Variants in GPC5 observed in about 807,000 individuals in gnomAD.
GPC5 encodes glypican 5.
A neutral mutation model predicts 53.9 loss-of-function variants in GPC5; 47 were observed. The observed-to-expected ratio is 0.87, with a 90% confidence interval of 0.69 to 1.11. GPC5 has a LOEUF of 1.11. Ranked by LOEUF, GPC5 falls within the 50% of genes most tolerant of loss-of-function variation. GPC5 has a pLI of 0.00. For synonymous variants in GPC5, 286 were observed against 263.3 expected, an observed-to-expected ratio of 1.09 and a Z score of -0.84; for missense variants, 748 against 713.1, an observed-to-expected ratio of 1.05 and a Z score of -0.56.
rs181818835 is a variant in GPC5, at chr13:91,865,109, C to T, written c.1281-42828C>T. ...TATTTTTAGTAGAGACGGGGTTTCA[C>T]GATATTGGCCAGGCTGGTCTTGAAC... On this transcript the variant is annotated intron_variant, in intron 5 of 7. Coordinates refer to ENST00000377067, the MANE Select transcript of GPC5 (RefSeq NM_004466.6). Among the ~76,000 whole-genome samples the T allele has an allele frequency of 1.4e-4, 21 of 151,958 alleles. No homozygotes were observed. In the East Asian group the frequency reaches 3.5e-3, roughly 25 times the overall value.
intron 7 of GPC5, among the ~76,000 whole-genome samples, chr13:92,702,409 C>T (rs1049995290): frequency 3.3e-5 from 5 of 151,966 alleles, no homozygotes; most frequent in African/African-American, 1.2e-4. Flanking sequence ...TCCTCTTGCC[C>T]CCTCCCCAAA....
chr13:91,830,994 AAT>A lies in GPC5; in HGVS notation c.1280+74583_1280+74584del, dbSNP rs567611177. Among the ~76,000 whole-genome samples, 437 of 136,340 alleles carry A rather than the reference AAT, an allele frequency of 3.2e-3. 3 individuals carry two copies. Among genetic ancestry groups the A allele is most frequent in the African/African-American group, 0.011 (403 of 36,426 alleles). The allele number at this position is 136,340 out of a possible 152,430, so 89.4% of individuals were successfully genotyped here. A position where few individuals can be genotyped will look rare whatever the true frequency, so the allele number is the denominator to read the frequency against. Reference sequence around the variant, plus strand: ...ATATTATATATCCTATTATATATATAATATATATATCCTATTATATATATAAC... The same window carrying A: ...ATATTATATATCCTATTATATATATAATATATATCCTATTATATATATAAC... On this transcript the variant is annotated intron_variant, in intron 5 of 7. Transcript: ENST00000377067.
chr13:92,207,035 T>C (rs2042342857), intron 7 of GPC5, among the ~76,000 whole-genome samples: 1 of 152,208 alleles, frequency 6.6e-6, no homozygotes, highest in African/African-American at 2.4e-5. Context: ...TATCTTCTTA[T>C]TCATTTTTTA....
intron 7 of GPC5, among the ~76,000 whole-genome samples, chr13:92,763,161 T>C (rs921996274): frequency 4.6e-5 from 7 of 152,174 alleles, no homozygotes; most frequent in Non-Finnish European, 7.3e-5. Context: ...TTTGATGATA[T>C]CATGTTCCCT....
intron 7 of GPC5, among the ~76,000 whole-genome samples, chr13:92,613,441 T>TA (rs1555295352): frequency 1.8e-5 from 1 of 56,506 alleles, no homozygotes; most frequent in South Asian, 1.2e-3. Flanking sequence ...TATATATAAA[T>TA]ATATATATTT....
At chr13:92,433,647 T>C (rs184799039) in intron 7 of GPC5, among the ~76,000 whole-genome samples, 68 of 152,258 alleles carry the variant, frequency 4.5e-4, no homozygotes, top group Admixed American at 1.6e-3. Context: ...GCAATAATAA[T>C]ACAGGCACAG....
intron 2 of GPC5, among the ~76,000 whole-genome samples, chr13:91,675,301 T>C (rs932784942): frequency 6.6e-6 from 1 of 152,204 alleles, no homozygotes; most frequent in Non-Finnish European, 1.5e-5. Context: ...CTTTGACAAA[T>C]TGATTTCACA....
chr13:92,466,099 T>A (rs917670710), intron 7 of GPC5, among the ~76,000 whole-genome samples: 1 of 152,030 alleles, frequency 6.6e-6, no homozygotes, highest in Admixed American at 6.6e-5. Flanking sequence ...GACAGATATG[T>A]TAATTAGCCT....
chr13:92,217,078 A>G (rs1226349962), intron 7 of GPC5, among the ~76,000 whole-genome samples: 1 of 151,572 alleles, frequency 6.6e-6, no homozygotes, highest in Non-Finnish European at 1.5e-5. Flanking sequence ...TGCAGTCTTC[A>G]CTATTGCACT....
intron 7 of GPC5, among the ~76,000 whole-genome samples, chr13:92,476,421 T>G (rs1879131547): frequency 1.3e-5 from 2 of 150,456 alleles, no homozygotes; most frequent in African/African-American, 4.9e-5. Context: ...TGTGGAGAAA[T>G]AGGAACACTT....
chr13:92,045,494 G>A (rs962253827), intron 6 of GPC5, among the ~76,000 whole-genome samples: 1 of 152,080 alleles, frequency 6.6e-6, no homozygotes, highest in South Asian at 2.1e-4. Context: ...CACTTGGAGA[G>A]GGAGAGGATG....
chr13:92,355,468 C>T (rs1395551381), intron 7 of GPC5, among the ~76,000 whole-genome samples: 4 of 152,154 alleles, frequency 2.6e-5, no homozygotes, highest in African/African-American at 9.7e-5. Flanking sequence ...TGCATTGCTG[C>T]TTACACACCA....
intron 5 of GPC5, among the ~76,000 whole-genome samples, chr13:91,843,579 T>TA (rs2038814141): frequency 6.6e-6 from 1 of 152,308 alleles, no homozygotes; most frequent in South Asian, 2.1e-4. Flanking sequence ...GATACTGTTT[T>TA]AAAACAACTG....
intron 4 of GPC5, among the ~76,000 whole-genome samples, chr13:91,755,684 T>A (rs1273557165): frequency 2.6e-5 from 4 of 152,114 alleles, no homozygotes; most frequent in African/African-American, 7.2e-5. Context: ...CTAAATATTA[T>A]TCCTTCCAAT....
intron 7 of GPC5, among the ~76,000 whole-genome samples, chr13:92,504,290 A>G (rs1395660221): frequency 5.9e-5 from 9 of 151,980 alleles, no homozygotes; most frequent in Admixed American, 5.9e-4. Flanking sequence ...CCTAACAAGT[A>G]CAGAAACAGA....
chr13:91,630,537 G>C (rs1340743277), intron 2 of GPC5, among the ~76,000 whole-genome samples: 1 of 152,180 alleles, frequency 6.6e-6, no homozygotes, highest in African/African-American at 2.4e-5. Flanking sequence ...AGGTGGATTT[G>C]CTAGCAATCT....
At chr13:92,854,525 C>T (rs1878931575) in intron 7 of GPC5, among the ~76,000 whole-genome samples, 1 of 151,560 alleles carries the variant, frequency 6.6e-6, no homozygotes, top group Non-Finnish European at 1.5e-5. Flanking sequence ...TATTAAAACC[C>T]AGACTGGAAA....
chr13:92,090,476 G>A (rs1239098583), intron 6 of GPC5, among the ~76,000 whole-genome samples: 1 of 152,126 alleles, frequency 6.6e-6, no homozygotes, highest in Non-Finnish European at 1.5e-5. Context: ...ACAGGGAAGA[G>A]ATGGCAATTC....
At chr13:91,647,090 TGTG>T (rs2034578342) in intron 2 of GPC5, among the ~76,000 whole-genome samples, 1 of 107,426 alleles carries the variant, frequency 9.3e-6, no homozygotes, top group Admixed American at 1.1e-4. Flanking sequence ...TGTGTGTGTG[TGTG>T]TGTGTGTGTG....
Sources: allele counts gnomAD v4.1 joint callset (sites outside exome capture counted in the v4.1 genomes callset), GRCh38; gene constraint gnomAD v4.1.1; transcripts MANE v1.5; gene names NCBI Gene and HGNC (gene_info 2026-07-23, HGNC 2026-07-21).